The following UGGT2 variants were observed in gnomAD, a reference collection of about 807,000 sequenced individuals.
UGGT2 encodes UDP-glucose glycoprotein glucosyltransferase 2.
In UGGT2, 180 loss-of-function variants were observed where a neutral mutation model predicts 192.1. That is an observed-to-expected ratio of 0.94 (90% confidence interval 0.83 to 1.06). The LOEUF is 1.06. Among genes scored for constraint, UGGT2 ranks in the 50% least tolerant of loss-of-function variants. The probability of loss-of-function intolerance (pLI) is 0.00; values close to 1 mark genes in which losing one functional copy is unlikely to be tolerated. For missense variants in UGGT2, 1,849 were observed against 1,795.7 expected, an observed-to-expected ratio of 1.03 and a Z score of -0.54; for synonymous variants, 580 against 591.0, an observed-to-expected ratio of 0.98 and a Z score of 0.27.
chr13:96,048,797 AT>A (rs2053397276), intron 1 of UGGT2, among the ~76,000 whole-genome samples: 1 of 152,220 alleles, frequency 6.6e-6, no homozygotes, highest in Non-Finnish European at 1.5e-5. Flanking sequence ...AAGAAGTTGA[AT>A]CCCTGAATAC....
Position 95,990,026 on chromosome 13 carries a change from T to A in UGGT2, c.878A>T (p.Tyr293Phe). ...LRDNLTAFQK[Y>F]LIESNKQMMP... Reference sequence around the variant, plus strand: ...CATTTGTTTGTTACTCTCAATCAGGTATTTTTGGAATGCTGTCAGATTATC... The same window carrying A: ...CATTTGTTTGTTACTCTCAATCAGGAATTTTTGGAATGCTGTCAGATTATC... The change falls in exon 8 of 39, where the codon TAC becomes TTC. Residue 293 changes from tyrosine to phenylalanine, a missense_variant. Tyr to Phe is a conservative substitution (Grantham distance 22). Coordinates refer to ENST00000376747, the MANE Select transcript of UGGT2 (RefSeq NM_020121.4). The A allele has an allele frequency of 6.2e-7, 1 of 1,606,608 alleles. No individual in the cohort carries two copies. The highest frequency in any genetic ancestry group is 2.2e-5 in the East Asian group (1 of 44,574).
At chr13:96,018,561 T>A (rs2052410217) in intron 4 of UGGT2, among the ~76,000 whole-genome samples, 1 of 152,080 alleles carries the variant, frequency 6.6e-6, no homozygotes, top group Non-Finnish European at 1.5e-5. Flanking sequence ...GTTATATATC[T>A]GGGGGAAAGT....
chr13:96,008,429 G>C (rs1467905893), intron 5 of UGGT2, among the ~76,000 whole-genome samples: 1 of 152,192 alleles, frequency 6.6e-6, no homozygotes, highest in Admixed American at 6.5e-5. Context: ...TAGGGAAAGA[G>C]AAAGCAAACT....
chr13:95,877,001 A>G (rs1891753685), intron 29 of UGGT2: 1 of 227,574 alleles, frequency 4.4e-6, no homozygotes, highest in Non-Finnish European at 8.4e-6. Flanking sequence ...CTTGGGCCTC[A>G]GTCTCCTGAA....
intron 20 of UGGT2, among the ~76,000 whole-genome samples, chr13:95,915,404 A>T (rs913910468): frequency 1.3e-5 from 2 of 152,222 alleles, no homozygotes; most frequent in East Asian, 3.8e-4. Context: ...CTGTCTCCCT[A>T]TGCACGCTAC....
chr13:95,920,351 T>C (rs7982337), intron 20 of UGGT2, among the ~76,000 whole-genome samples: 55,429 of 151,834 alleles, frequency 0.37, 10,434 homozygotes, highest in Middle Eastern at 0.41. Context: ...AAATGGGATA[T>C]ATTAATAATT....
chr13:95,845,481 T>C (rs570388818), intron 36 of UGGT2, among the ~76,000 whole-genome samples: 1 of 150,084 alleles, frequency 6.7e-6, no homozygotes, highest in East Asian at 2.0e-4. Flanking sequence ...GAGCACGGGG[T>C]TGGGGGTAAG....
intron 22 of UGGT2, among the ~76,000 whole-genome samples, chr13:95,897,001 A>T (rs1188196126): frequency 3.0e-4 from 45 of 152,136 alleles, no homozygotes; most frequent in Non-Finnish European, 1.5e-5. Flanking sequence ...AAGTTTGATC[A>T]ACTAGTTTTG....
intron 5 of UGGT2, among the ~76,000 whole-genome samples, chr13:96,001,081 G>T (rs1217387202): frequency 1.2e-4 from 19 of 152,118 alleles, no homozygotes; most frequent in Non-Finnish European, 2.9e-5. Flanking sequence ...ACACTTAATG[G>T]TCACATTCTC....
chr13:95,948,752 T>C (rs1429627836), intron 13 of UGGT2, among the ~76,000 whole-genome samples: 1 of 152,208 alleles, frequency 6.6e-6, no homozygotes, highest in East Asian at 1.9e-4. Flanking sequence ...AATATGGTTA[T>C]TATAAAATGA....
chr13:95,985,388 C>T (rs1186350217), intron 9 of UGGT2: 2 of 661,280 alleles, frequency 3.0e-6, no homozygotes, highest in Non-Finnish European at 4.4e-6. Flanking sequence ...CCAAAAAATC[C>T]TTGGTATCTT....
rs115123200 is a variant in UGGT2 at position 96,005,674 on chromosome 13, T to C, written c.661-6367A>G. ...ACATTCTGAGAGAGGATCAGAAACC[T>C]TGAGGCCCAAATTTACAGTATGCCT... On this transcript the variant is annotated intron_variant, in intron 5 of 38. Coordinates refer to ENST00000376747, the MANE Select transcript of UGGT2 (RefSeq NM_020121.4). Among the ~76,000 whole-genome samples, 1,452 of 152,314 alleles carry C rather than the reference T, an allele frequency of 9.5e-3. 30 individuals are homozygous for C. The highest frequency in any genetic ancestry group is 0.034 in the African/African-American group (1,393 of 41,564).
intron 36 of UGGT2, among the ~76,000 whole-genome samples, chr13:95,846,378 C>G (rs947893566): frequency 2.0e-5 from 3 of 150,700 alleles, no homozygotes; most frequent in South Asian, 2.1e-4. Flanking sequence ...GGCGGCAGTA[C>G]AGTCCAGCCT....
rs749243975 is a variant in UGGT2 at position 96,031,906 on chromosome 13, G to A, written c.224C>T (p.Ala75Val). 6.2e-7 allele frequency: 1 copy of A among 1,608,324 alleles called. No individual in the cohort carries two copies. The highest frequency in any genetic ancestry group is 8.5e-7 in the Non-Finnish European group (1 of 1,177,376). Residue 75 changes from alanine to valine, a missense_variant, in exon 2 of 39, where the codon GCA (alanine) becomes GTA (valine). Physicochemically the swap from Ala to Val is moderately conservative, Grantham distance 64. Transcript: ENST00000376747. ...WQFLETVQEL[A>V]IYKQTESDYS... ...TCACCTACCTGTTTGCTTATAAATT[G>A]CTAATTCTTGCACAGTTTCCAAAAA...
chr13:95,910,304 T>A (rs921591495), intron 20 of UGGT2, among the ~76,000 whole-genome samples: 1 of 152,080 alleles, frequency 6.6e-6, no homozygotes, highest in Admixed American at 6.5e-5. Flanking sequence ...GGAAATTGGA[T>A]AAAGAGTCAA....
chr13:95,959,117 T>C (rs527959507), intron 12 of UGGT2, among the ~76,000 whole-genome samples: 1 of 152,262 alleles, frequency 6.6e-6, no homozygotes, highest in African/African-American at 2.4e-5. Flanking sequence ...CATCTCCATA[T>C]CTCTGGGGTC....
chr13:96,046,489 G>C (rs945556638), intron 1 of UGGT2, among the ~76,000 whole-genome samples: 7 of 152,260 alleles, frequency 4.6e-5, no homozygotes, highest in Admixed American at 4.6e-4. Context: ...ATAGGAGAGA[G>C]GTTCCAAGAT....
rs545524400 is a variant in UGGT2 at position 95,978,196 on chromosome 13, T to TA, written c.1093-5526dup. ...CCAGAACTTAAAGTAAAATTAAAAT[T>TA]AAAAAAAGAGCAAACTTACAAAAAA... On this transcript the variant is annotated intron_variant, in intron 10 of 38. Coordinates refer to ENST00000376747, the MANE Select transcript of UGGT2 (RefSeq NM_020121.4). Among the ~76,000 whole-genome samples, 49 of 152,094 alleles carry TA rather than the reference T, an allele frequency of 3.2e-4. No homozygotes were observed. The East Asian group carries it at 6.2e-3, about 19-fold the overall frequency.
At chr13:96,018,684 G>C (rs935411466) in intron 4 of UGGT2, among the ~76,000 whole-genome samples, 2 of 150,652 alleles carry the variant, frequency 1.3e-5, no homozygotes, top group East Asian at 3.9e-4. Flanking sequence ...TTGGGACAAT[G>C]AGAATATCAC....
Sources: gnomAD v4.1 joint callset for allele counts (sites outside exome capture counted in the v4.1 genomes callset) on GRCh38, gnomAD v4.1.1 for gene constraint, MANE v1.5 for transcripts, NCBI Gene and HGNC (gene_info 2026-07-23, HGNC 2026-07-21) for gene names.